Variants in THSD7A observed in about 807,000 individuals in gnomAD.
The protein encoded by THSD7A is thrombospondin type 1 domain containing 7A.
In THSD7A, 96 loss-of-function variants were observed where a neutral mutation model predicts 231.3. The observed-to-expected ratio is 0.41, with a 90% CI of 0.35 to 0.49. THSD7A has a LOEUF of 0.49. THSD7A is among the 20% of genes least tolerant of loss of function. The pLI, the probability that THSD7A is intolerant of heterozygous loss-of-function variation, is 0.05. For synonymous variants in THSD7A, 940 were observed against 743.3 expected (o/e 1.26, Z -4.30); for missense variants, 2,290 against 2,070.2 (o/e 1.11, Z -2.06).
At chr7:11,635,782 A>G (rs1435349728) in intron 2 of THSD7A, among the ~76,000 whole-genome samples, 2 of 152,180 alleles carry the variant, frequency 1.3e-5, no homozygotes, top group Non-Finnish European at 2.9e-5. Flanking sequence ...TAAGTATCTG[A>G]ATTTAAAATC....
chr7:11,474,959 G>A lies in THSD7A; in HGVS notation c.2018-391C>T, dbSNP rs1786096642. Among the ~76,000 whole-genome samples the A allele has an allele frequency of 6.6e-6, 1 of 152,174 alleles. No individual in the cohort carries two copies. The highest frequency in any genetic ancestry group is 6.6e-5 in the Admixed American group (1 of 15,264). On this transcript the variant is annotated intron_variant, in intron 7 of 27. Transcript: ENST00000423059. This position sits in a 1 kb window ranked among gnomAD's most constrained non-coding sequence, Gnocchi z 4.1. ...AGAGGCACTGAGAAAAATTTTGAAG[G>A]AGTAGGATTTCAATAAGCAGAATTC...
In THSD7A at chr7:11,542,959, T is replaced by A; in HGVS notation, c.1609+3A>T. 1 of 1,612,604 alleles carries A rather than the reference T, an allele frequency of 6.2e-7. No individual in the cohort carries two copies. Among genetic ancestry groups the A allele is most frequent in the Non-Finnish European group, 8.5e-7 (1 of 1,179,356 alleles). ...AAAGGCATGTCATGGTCACGTTACC[T>A]ACCTTTTTTCCCTTGCTGATCATTA... On this transcript the variant is annotated splice_donor_region_variant and intron_variant, in intron 5 of 27. Coordinates refer to ENST00000423059, the MANE Select transcript of THSD7A (RefSeq NM_015204.3).
chr7:11,481,367 A>C (rs1344905527), intron 7 of THSD7A, among the ~76,000 whole-genome samples: 1 of 152,166 alleles, frequency 6.6e-6, no homozygotes, highest in African/African-American at 2.4e-5. Flanking sequence ...TTTTAAATAA[A>C]CTTTATGATT....
At chr7:11,383,564 A>G (rs1346204276) in intron 23 of THSD7A, among the ~76,000 whole-genome samples, 2 of 152,006 alleles carry the variant, frequency 1.3e-5, no homozygotes, top group Non-Finnish European at 2.9e-5. Context: ...TCAGTAGTGC[A>G]TAAAGACTGC....
intron 22 of THSD7A, among the ~76,000 whole-genome samples, chr7:11,403,805 T>A (rs942406261): frequency 3.3e-5 from 5 of 152,224 alleles, no homozygotes; most frequent in African/African-American, 1.2e-4. Flanking sequence ...TCCCTTGTCC[T>A]AAACACACTT....
chr7:11,816,152 G>A (rs1360223282), intron 1 of THSD7A, among the ~76,000 whole-genome samples: 2 of 152,106 alleles, frequency 1.3e-5, no homozygotes, highest in Non-Finnish European at 2.9e-5. Context: ...TATTTACACA[G>A]GATAGAGAAC....
At chr7:11,533,505 AAGAT>A (rs1788790111) in intron 6 of THSD7A, among the ~76,000 whole-genome samples, 1 of 152,184 alleles carries the variant, frequency 6.6e-6, no homozygotes, top group African/African-American at 2.4e-5. Flanking sequence ...ATGTCCATCA[AAGAT>A]AGATTGGATA....
intron 1 of THSD7A, among the ~76,000 whole-genome samples, chr7:11,803,993 A>C (rs934100260): frequency 4.6e-5 from 7 of 152,156 alleles, no homozygotes; most frequent in African/African-American, 1.7e-4. Context: ...TTGTATTTTG[A>C]ATTATCATAA....
At chr7:11,720,821 C>A (rs1166587866) in intron 1 of THSD7A, among the ~76,000 whole-genome samples, 6 of 151,616 alleles carry the variant, frequency 4.0e-5, no homozygotes, top group African/African-American at 9.7e-5. Context: ...ATCATTTTCC[C>A]TTGTGTTTCA....
At chr7:11,827,822 T>C (rs896208209) in intron 1 of THSD7A, among the ~76,000 whole-genome samples, 16 of 152,192 alleles carry the variant, frequency 1.1e-4, no homozygotes, top group Admixed American at 1.3e-4. Flanking sequence ...ATTAAATTGA[T>C]ATTCTTCTTC....
intron 6 of THSD7A, among the ~76,000 whole-genome samples, chr7:11,536,668 A>C (rs59993775): frequency 0.35 from 53,912 of 151,926 alleles, 10,282 homozygotes; most frequent in East Asian, 0.52. Flanking sequence ...TATTTTGCTT[A>C]TTCATTCCCC....
rs1164716758 is a variant in THSD7A at position 11,814,128 on chromosome 7, G to A, written c.190+17629C>T. On this transcript the variant is annotated intron_variant, in intron 1 of 27. Transcript: ENST00000423059. This position sits in a 1 kb window ranked among gnomAD's most constrained non-coding sequence, Gnocchi z 5.1. Reference sequence around the variant, plus strand: ...GAAAAAGTAGATTGGTATTTGCCCGGGACCTGGGCTGATGGCTCAGGGATG... The same window carrying A: ...GAAAAAGTAGATTGGTATTTGCCCGAGACCTGGGCTGATGGCTCAGGGATG... 6.6e-6 allele frequency among the ~76,000 whole-genome samples: 1 copy of A among 152,160 alleles called. No homozygotes were observed. The highest frequency in any genetic ancestry group is 2.4e-5 in the African/African-American group (1 of 41,438).
At chr7:11,493,975 C>T (rs941244216) in intron 6 of THSD7A, among the ~76,000 whole-genome samples, 1 of 152,020 alleles carries the variant, frequency 6.6e-6, no homozygotes, top group African/African-American at 2.4e-5. Context: ...CACACATACA[C>T]ACAGATTTAT....
chr7:11,717,839 T>C (rs996170723), intron 1 of THSD7A, among the ~76,000 whole-genome samples: 1 of 151,624 alleles, frequency 6.6e-6, no homozygotes, highest in East Asian at 2.0e-4. Context: ...CACTTTCATA[T>C]CAATGATCCA....
In THSD7A at chr7:11,474,513, C is replaced by T. The variant is rs1786075580; in HGVS notation, c.2073G>A (p.Glu691=). ...GCCAGTGGTACACTGTGCAAGGATG[C>T]TCATTACAGCTTCGTACTTCTTGCA... ...SALQEVRSCN[E]HPCTVYHWQT... Residue 691 remains glutamate, a synonymous_variant, in exon 8 of 28, where the codon GAG becomes GAA. Transcript: ENST00000423059. This position sits in a 1 kb window ranked among gnomAD's most constrained non-coding sequence, Gnocchi z 4.1. 1.2e-6 allele frequency: 2 copies of T among 1,611,320 alleles called. No individual in the cohort carries two copies. The highest frequency in any genetic ancestry group is 1.7e-6 in the Non-Finnish European group (2 of 1,178,046).
intron 1 of THSD7A, among the ~76,000 whole-genome samples, chr7:11,818,907 A>C (rs1032310951): frequency 9.2e-5 from 14 of 152,004 alleles, no homozygotes; most frequent in Non-Finnish European, 1.6e-4. Context: ...TATCTTCAGT[A>C]TGTGTCATTC....
rs917775867 is a variant in THSD7A, at chr7:11,630,734, G to A, written c.1022+5396C>T. On this transcript the variant is annotated intron_variant, in intron 2 of 27. Transcript: ENST00000423059. ...TCAGACAATTCGACAAAACGAGATA[G>A]GTTCAAATGGAAGATATTTTCAAAA... Among the ~76,000 whole-genome samples the A allele has an allele frequency of 2.6e-5, 4 of 152,160 alleles. No homozygotes were observed. In the South Asian group the frequency reaches 8.3e-4, roughly 31 times the overall value.
In THSD7A at chr7:11,740,661, T is replaced by C. The variant is rs553336793; in HGVS notation, c.190+91096A>G. Among the ~76,000 whole-genome samples, 3 of 152,066 alleles carry C rather than the reference T, an allele frequency of 2.0e-5. No homozygotes were observed. The South Asian group carries it at 6.2e-4, about 32-fold the overall frequency. On this transcript the variant is annotated intron_variant, in intron 1 of 27. Transcript: ENST00000423059. ...CTGGTCTTTTCTCAAAAGTCACCTT[T>C]TGAGAAATGCTCTCCCTGTTCAGTG...
chr7:11,805,957 A>G (rs1357680454), intron 1 of THSD7A, among the ~76,000 whole-genome samples: 1 of 152,190 alleles, frequency 6.6e-6, no homozygotes, highest in Non-Finnish European at 1.5e-5. Context: ...AGGATCTCAG[A>G]TGTTTGCAAG....
Sources: allele counts gnomAD v4.1 joint callset (sites outside exome capture counted in the v4.1 genomes callset), GRCh38; gene constraint gnomAD v4.1.1; non-coding constraint Gnocchi (gnomAD v3.1); transcripts MANE v1.5; gene names NCBI Gene and HGNC (gene_info 2026-07-23, HGNC 2026-07-21).